Variants in ZMAT4 observed in about 807,000 individuals in gnomAD.
ZMAT4 encodes zinc finger matrin-type 4, also known as zinc finger matrin-type protein 4.
In ZMAT4, 17 loss-of-function variants were observed where a neutral mutation model predicts 28.7. The ratio of observed to expected loss-of-function variants is 0.59; its 90% confidence interval spans 0.41 to 0.89. The LOEUF is 0.89. Ranked by LOEUF, ZMAT4 falls within the 40% of genes least tolerant of loss-of-function variation. The pLI is 0.00. For missense variants in ZMAT4, 240 were observed against 283.8 expected, an observed-to-expected ratio of 0.85 and a Z score of 1.11; for synonymous variants, 117 against 109.2, an observed-to-expected ratio of 1.07 and a Z score of -0.44.
At chr8:40,866,678 C>T (rs1015506087) in intron 1 of ZMAT4, among the ~76,000 whole-genome samples, 4 of 152,100 alleles carry the variant, frequency 2.6e-5, no homozygotes, top group African/African-American at 9.7e-5. Context: ...GCAAAATGTG[C>T]AACCAAATGC....
At chr8:40,579,405 CT>C (rs1423393240) in intron 6 of ZMAT4, among the ~76,000 whole-genome samples, 1 of 152,098 alleles carries the variant, frequency 6.6e-6, no homozygotes, top group Non-Finnish European at 1.5e-5. Context: ...ATGAAAACAG[CT>C]TGGGGGGATG....
At chr8:40,596,427 A>G (rs1274846252) in intron 5 of ZMAT4, among the ~76,000 whole-genome samples, 2 of 152,250 alleles carry the variant, frequency 1.3e-5, no homozygotes, top group Non-Finnish European at 1.5e-5. Flanking sequence ...CAGCTGTACA[A>G]AAACATTTTA....
intron 5 of ZMAT4, among the ~76,000 whole-genome samples, chr8:40,584,695 A>G (rs1320215408): frequency 1.3e-5 from 2 of 152,006 alleles, no homozygotes; most frequent in East Asian, 1.9e-4. Flanking sequence ...TGCGAGTGAC[A>G]TGATGTCAGC....
chr8:40,854,902 A>T (rs1817242258), intron 1 of ZMAT4, among the ~76,000 whole-genome samples: 1 of 152,148 alleles, frequency 6.6e-6, no homozygotes, highest in Admixed American at 6.5e-5. Context: ...TAAAGGACTC[A>T]ATTTTTTAAA....
At chr8:40,895,620 C>T (rs1159788402) in intron 1 of ZMAT4, among the ~76,000 whole-genome samples, 3 of 152,112 alleles carry the variant, frequency 2.0e-5, no homozygotes, top group African/African-American at 4.8e-5. Context: ...AAGGCCCCCT[C>T]CGCCCCCTCC....
At chr8:40,669,287 A>G (rs994285188) in intron 5 of ZMAT4, among the ~76,000 whole-genome samples, 2 of 152,140 alleles carry the variant, frequency 1.3e-5, no homozygotes, top group African/African-American at 4.8e-5. Context: ...CTGCTTTTTG[A>G]CTTCTTTTAT....
chr8:40,671,434 G>A (rs1282724158), intron 5 of ZMAT4, among the ~76,000 whole-genome samples: 1 of 151,954 alleles, frequency 6.6e-6, no homozygotes, highest in Non-Finnish European at 1.5e-5. Context: ...AATGAATAGA[G>A]TGGATAGACA....
intron 5 of ZMAT4, among the ~76,000 whole-genome samples, chr8:40,596,810 G>A (rs901517247): frequency 6.6e-6 from 1 of 152,164 alleles, no homozygotes; most frequent in African/African-American, 2.4e-5. Context: ...AGCCAGTTGA[G>A]GCTGAATGAG....
At chr8:40,657,946 A>G (rs1808000760) in intron 5 of ZMAT4, among the ~76,000 whole-genome samples, 1 of 152,194 alleles carries the variant, frequency 6.6e-6, no homozygotes, top group South Asian at 2.1e-4. Context: ...ACATTGTCCC[A>G]CACACAGTGT....
At chr8:40,830,050 CT>C (rs1816223129) in intron 1 of ZMAT4, among the ~76,000 whole-genome samples, 1 of 152,054 alleles carries the variant, frequency 6.6e-6, no homozygotes, top group Non-Finnish European at 1.5e-5. Flanking sequence ...AAGAAATGGC[CT>C]TTTTCAGGAT....
intron 4 of ZMAT4, among the ~76,000 whole-genome samples, chr8:40,686,901 C>G (rs1441054975): frequency 1.3e-5 from 2 of 152,022 alleles, no homozygotes; most frequent in East Asian, 3.9e-4. Flanking sequence ...AGACTAGAAC[C>G]CAGAGCCCCT....
chr8:40,882,091 T>C (rs569975292), intron 1 of ZMAT4, among the ~76,000 whole-genome samples: 1 of 151,960 alleles, frequency 6.6e-6, no homozygotes, highest in East Asian at 1.9e-4. Context: ...TGTCCAGGAG[T>C]TCATGCCTCA....
rs570395592 is a variant in ZMAT4, at chr8:40,592,405, T to C, written c.578-11144A>G. ...ACTACCGTCATTCCAAAGTACAGGATGTTTAAATGTTTAGCCTTCTGAATT... is the reference window on the plus strand; with the variant it reads ...ACTACCGTCATTCCAAAGTACAGGACGTTTAAATGTTTAGCCTTCTGAATT... On this transcript the variant is annotated intron_variant, in intron 5 of 6. Coordinates refer to ENST00000297737, the MANE Select transcript of ZMAT4 (RefSeq NM_024645.3). 2.6e-5 allele frequency among the ~76,000 whole-genome samples: 4 copies of C among 152,348 alleles called. No individual in the cohort carries two copies. The South Asian group carries it at 6.2e-4, about 24-fold the overall frequency.
chr8:40,607,464 A>G (rs1805637215), intron 5 of ZMAT4, among the ~76,000 whole-genome samples: 1 of 151,846 alleles, frequency 6.6e-6, no homozygotes, highest in African/African-American at 2.4e-5. Flanking sequence ...TATTTCTTTG[A>G]GTTGGTATTC....
intron 6 of ZMAT4, among the ~76,000 whole-genome samples, chr8:40,579,259 T>C (rs1266070559): frequency 1.3e-5 from 2 of 152,182 alleles, no homozygotes; most frequent in Non-Finnish European, 2.9e-5. Context: ...TCTTTTTCTA[T>C]GTATTGAGTG....
At chr8:40,803,583 A>G (rs1482273933) in intron 2 of ZMAT4, among the ~76,000 whole-genome samples, 1 of 152,190 alleles carries the variant, frequency 6.6e-6, no homozygotes, top group Non-Finnish European at 1.5e-5. Flanking sequence ...GAACACTGAC[A>G]ATAGTATTGG....
At chr8:40,779,310 C>T (rs1586037965) in intron 2 of ZMAT4, among the ~76,000 whole-genome samples, 1 of 151,980 alleles carries the variant, frequency 6.6e-6, no homozygotes, top group Non-Finnish European at 1.5e-5. Flanking sequence ...TATAAATTAC[C>T]CAGTCTCAGG....
At chr8:40,823,210 T>C (rs1815894914) in intron 2 of ZMAT4, among the ~76,000 whole-genome samples, 1 of 151,856 alleles carries the variant, frequency 6.6e-6, no homozygotes, top group African/African-American at 2.4e-5. Flanking sequence ...ATCAAATGAA[T>C]AAAACTCTGT....
At chr8:40,589,749 T>TTTCTTTCTTTC (rs1804800996) in intron 5 of ZMAT4, among the ~76,000 whole-genome samples, 1 of 148,348 alleles carries the variant, frequency 6.7e-6, no homozygotes, top group East Asian at 2.0e-4. Context: ...TCTTTCTTTC[T>TTTCTTTCTTTC]TTCTTTCTTT....
Sources: allele counts gnomAD v4.1 joint callset (sites outside exome capture counted in the v4.1 genomes callset), GRCh38; gene constraint gnomAD v4.1.1; transcripts MANE v1.5; gene names NCBI Gene and HGNC (gene_info 2026-07-23, HGNC 2026-07-21).